The following ZNF445 variants were observed in gnomAD, a reference collection of about 807,000 sequenced individuals.
ZNF445 encodes the protein zinc finger protein 445, also known as zinc finger protein 168.
A neutral mutation model predicts 93.9 loss-of-function variants in ZNF445; 19 were observed. The observed-to-expected ratio is 0.20, with a 90% CI of 0.14 to 0.30. The LOEUF is 0.30. ZNF445 is among the 10% of genes least tolerant of loss of function. ZNF445 has a pLI of 1.00. For missense variants in ZNF445, 1,058 were observed against 1,259.4 expected (o/e 0.84, Z 2.42); for synonymous variants, 449 against 446.3 (o/e 1.01, Z -0.08).
At chr3:44,476,988 A>C (rs148469085) in intron 1 of ZNF445, among the ~76,000 whole-genome samples, 41 of 152,330 alleles carry the variant, frequency 2.7e-4, no homozygotes, top group Middle Eastern at 3.4e-3. Flanking sequence ...CTACAAATTC[A>C]GGAGATTATA....
chr3:44,448,290 C>G lies in ZNF445; in HGVS notation c.1381G>C (p.Val461Leu). ...CTAAGGCTGAAGTCTTTTCCACACA[C>G]GTCCTTTTTGTTCCCTTTCAGTCCA... is the stretch of plus-strand genomic sequence containing the variant. ...HSGLKGNKKD[V>L]CGKDFSLSSH... The change falls in exon 8 of 8, where the codon GTG becomes CTG. Residue 461 changes from valine (V) to leucine (L), a missense_variant. By Grantham distance (32) the Val-to-Leu change is conservative. Transcript: ENST00000396077. 6.2e-7 allele frequency: 1 copy of G among 1,614,178 alleles called. No homozygotes were observed. Among genetic ancestry groups the G allele is most frequent in the South Asian group, 1.1e-5 (1 of 91,082 alleles).
chr3:44,447,072 G>T lies in ZNF445; in HGVS notation c.2599C>A (p.Arg867Ser). 6.2e-7 allele frequency: 1 copy of T among 1,614,184 alleles called. No individual in the cohort carries two copies. The highest frequency in any genetic ancestry group is 2.2e-5 in the East Asian group (1 of 44,888). Residue 867 changes from arginine (R) to serine (S), a missense_variant, in exon 8 of 8, where the codon CGC becomes AGC. Arg to Ser is a moderately radical substitution (Grantham distance 110). Coordinates refer to ENST00000396077, the MANE Select transcript of ZNF445 (RefSeq NM_181489.6). This position sits in a 1 kb window ranked among gnomAD's most constrained non-coding sequence, Gnocchi z 4.7. ...DHKGIHSGEK[R>S]YKCNLCGKSY... is the part of the protein sequence containing the mutation. ...TTCCCACATAGATTACATTTATAGC[G>T]CTTCTCTCCACTGTGTATTCCCTTA...
At chr3:44,459,421 T>C (rs2125682112) in intron 1 of ZNF445, among the ~76,000 whole-genome samples, 1 of 152,232 alleles carries the variant, frequency 6.6e-6, no homozygotes, top group East Asian at 1.9e-4. Flanking sequence ...GAAAGACAAA[T>C]CTTTTCATGA....
At chr3:44,468,346 C>T (rs1698220992) in intron 1 of ZNF445, among the ~76,000 whole-genome samples, 1 of 152,220 alleles carries the variant, frequency 6.6e-6, no homozygotes, top group South Asian at 2.1e-4. Context: ...CCAAGCTGTC[C>T]TTGTTCATTC....
rs1378041319 is a variant in ZNF445 at position 44,438,538 on chromosome 3, T to C, written c.*8037A>G. ...GTCTCGATCTCTTGACCTCGTGATC[T>C]GCCCGCCTCAGCCTCCCAAAGTGCT... On this transcript the variant is annotated 3_prime_UTR_variant, in exon 8 of 8. Coordinates refer to ENST00000396077, the MANE Select transcript of ZNF445 (RefSeq NM_181489.6). 1 of 151,954 alleles carries C rather than the reference T, an allele frequency of 6.6e-6. No homozygotes were observed. 9.4% of individuals were successfully genotyped at this position (151,954 alleles called of 1,614,324 possible).
chr3:44,446,978 C>G lies in ZNF445; in HGVS notation c.2693G>C (p.Cys898Ser). The change falls in exon 8 of 8, where the codon TGT (cysteine) becomes TCT (serine). Residue 898 changes from cysteine (C) to serine (S), a missense_variant. By Grantham distance (112) the Cys-to-Ser change is moderately radical. This residue lies in a region of ZNF445 where 387 missense variants were observed against 475.7 expected (regional missense o/e 0.81). Coordinates refer to ENST00000396077, the MANE Select transcript of ZNF445 (RefSeq NM_181489.6). The surrounding 1 kb of genome is among the most constrained non-coding windows in gnomAD (Gnocchi z 4.2). ...AATGAACTCTTTCCCACACCACTGA[C>G]ATTTGAAAGGTCTCTCTGTAGAGTG... The part of the protein sequence containing the change: ...RIHSTERPFK[C>S]QWCGKEFIGR... 5 of 1,614,208 alleles carry G rather than the reference C, an allele frequency of 3.1e-6. No individual in the cohort carries two copies. The highest frequency in any genetic ancestry group is 4.2e-6 in the Non-Finnish European group (5 of 1,180,044).
intron 1 of ZNF445, among the ~76,000 whole-genome samples, chr3:44,471,487 A>G (rs1170902874): frequency 6.6e-6 from 1 of 152,168 alleles, no homozygotes; most frequent in African/African-American, 2.4e-5. Context: ...ATCCCCTGAA[A>G]ATGCTGACCC....
At chr3:44,473,453 T>A (rs568277220) in intron 1 of ZNF445, among the ~76,000 whole-genome samples, 737 of 60,842 alleles carry the variant, frequency 0.012, 8 homozygotes, top group African/African-American at 0.057. Context: ...AAACTCCACT[T>A]CACACACACA....
rs1280455474 is a variant in ZNF445, at chr3:44,444,736, C to CA, written c.*1838dup. 4.6e-5 allele frequency: 7 copies of CA among 152,186 alleles called. No individual in the cohort carries two copies. Among genetic ancestry groups the CA allele is most frequent in the African/African-American group, 1.7e-4 (7 of 41,406 alleles). 9.4% of individuals were successfully genotyped at this position (152,186 alleles called of 1,614,324 possible). ...ATCCTGTGACACCACCACACAATATCAGAGCCTTCATTTTCACCTGCTCAT... is the reference window on the plus strand; with the variant it reads ...ATCCTGTGACACCACCACACAATATCAAGAGCCTTCATTTTCACCTGCTCAT... On this transcript the variant is annotated 3_prime_UTR_variant, in exon 8 of 8. Transcript: ENST00000396077.
At chr3:44,477,184 T>C (rs1313325754) in intron 1 of ZNF445, among the ~76,000 whole-genome samples, 1 of 152,222 alleles carries the variant, frequency 6.6e-6, no homozygotes, top group Admixed American at 6.5e-5. Flanking sequence ...TTTCGTAATA[T>C]ATATTTATGG....
At chr3:44,467,848 T>C (rs1698215161) in intron 1 of ZNF445, among the ~76,000 whole-genome samples, 1 of 152,152 alleles carries the variant, frequency 6.6e-6, no homozygotes, top group South Asian at 2.1e-4. Context: ...AGTACAATAT[T>C]GTAGCTGTTC....
rs11710965 is a variant in ZNF445 at position 44,448,388 on chromosome 3, T to C, written c.1283A>G (p.Tyr428Cys). ...GKHFRMSSHH[Y>C]DYKKYGKGLR... is the part of the protein sequence containing the mutation. Reference sequence around the variant, plus strand: ...CCCCTTCCCATATTTCTTGTAGTCATAGTGGTGTGAACTCATTCTGAAGTG... The same window carrying C: ...CCCCTTCCCATATTTCTTGTAGTCACAGTGGTGTGAACTCATTCTGAAGTG... Residue 428 changes from tyrosine to cysteine, a missense_variant, in exon 8 of 8, where the codon TAT becomes TGT. Coordinates refer to ENST00000396077, the MANE Select transcript of ZNF445 (RefSeq NM_181489.6). 0.14 allele frequency: 221,260 copies of C among 1,614,166 alleles called. 17,505 individuals are homozygous for C. Among genetic ancestry groups the C allele is most frequent in the Non-Finnish European group, 0.16 (187,927 of 1,180,006 alleles).
intron 3 of ZNF445, among the ~76,000 whole-genome samples, chr3:44,454,571 G>A (rs1698001341): frequency 6.6e-6 from 1 of 152,188 alleles, no homozygotes; most frequent in South Asian, 2.1e-4. Context: ...AAGTAGCTGG[G>A]ACTACAGTCA....
At chr3:44,453,354 GT>G (rs1385027170) in intron 3 of ZNF445, among the ~76,000 whole-genome samples, 1 of 151,182 alleles carries the variant, frequency 6.6e-6, no homozygotes, top group African/African-American at 2.4e-5. Context: ...GACTGCACTG[GT>G]GAAATCTCAG....
At chr3:44,461,925 T>C (rs922017227) in intron 1 of ZNF445, among the ~76,000 whole-genome samples, 1 of 152,066 alleles carries the variant, frequency 6.6e-6, no homozygotes, top group Admixed American at 6.5e-5. Context: ...TTCTGGAAGA[T>C]GCAGAGAAAG....
chr3:44,465,416 T>C lies in ZNF445; in HGVS notation c.-268-7052A>G, dbSNP rs553106986. On this transcript the variant is annotated intron_variant, in intron 1 of 7. Coordinates refer to ENST00000396077, the MANE Select transcript of ZNF445 (RefSeq NM_181489.6). ...CAAGTTGGCTAAGATTTAAAAGAAA[T>C]TATTTAGTTTTCCACAGGTTAAAAA... Among the ~76,000 whole-genome samples, 67 of 152,292 alleles carry C rather than the reference T, an allele frequency of 4.4e-4. 1 individual carries two copies. In the South Asian group the frequency reaches 5.8e-3, roughly 13 times the overall value.
In ZNF445 at chr3:44,455,506, T is replaced by C. The variant is rs1698016033; in HGVS notation, c.44A>G (p.Gln15Arg). Residue 15 changes from glutamine to arginine, a missense_variant, in exon 3 of 8, where the codon CAG becomes CGG. By Grantham distance (43) the Gln-to-Arg change is conservative. This residue lies in a region of ZNF445 where 657 missense variants were observed against 746.4 expected (regional missense o/e 0.88). Transcript: ENST00000396077. ...RWHAAYPAQA[Q>R]SSRERGRLQT... ...AAGCCGCCCTCGCTCCCTCGAAGACTGGGCCTGAGCTGGATAGGCAGCATG... is the reference window on the plus strand; with the variant it reads ...AAGCCGCCCTCGCTCCCTCGAAGACCGGGCCTGAGCTGGATAGGCAGCATG... 2 of 1,611,174 alleles carry C rather than the reference T, an allele frequency of 1.2e-6. No homozygotes were observed. The highest frequency in any genetic ancestry group is 1.3e-5 in the African/African-American group (1 of 74,928).
chr3:44,473,622 A>AAAC (rs10649222), intron 1 of ZNF445, among the ~76,000 whole-genome samples: 15,945 of 151,826 alleles, frequency 0.11, 874 homozygotes, highest in Middle Eastern at 0.18. Flanking sequence ...CAATTAAAAC[A>AAAC]AACAACAACA....
chr3:44,451,073 T>C, intron 4 of ZNF445, 111 bp from the exon 5 acceptor site: 1 of 1,039,654 alleles, frequency 9.6e-7, no homozygotes, highest in Non-Finnish European at 1.4e-6. Context: ...TACATAATGT[T>C]GTTAAATACC....
Sources: allele counts gnomAD v4.1 joint callset (sites outside exome capture counted in the v4.1 genomes callset), GRCh38; gene constraint gnomAD v4.1.1; regional missense constraint gnomAD v4.1.1; non-coding constraint Gnocchi (gnomAD v3.1); transcripts MANE v1.5; gene names NCBI Gene and HGNC (gene_info 2026-07-23, HGNC 2026-07-21).